TRIM36: variants seen among roughly 807,000 people sequenced by gnomAD.
TRIM36 encodes the protein tripartite motif containing 36.
Under a neutral mutation model 72.4 loss-of-function variants are expected in TRIM36, and 42 were observed. The observed-to-expected ratio is 0.58, with a 90% CI of 0.45 to 0.75. TRIM36 has a LOEUF of 0.75. TRIM36 is among the 30% of genes least tolerant of loss of function. TRIM36 has a pLI of 0.00. For synonymous variants in TRIM36, 315 were observed against 282.8 expected (o/e 1.11, Z -1.14); for missense variants, 913 against 857.1 (o/e 1.07, Z -0.81).
intron 4 of TRIM36, among the ~76,000 whole-genome samples, chr5:115,142,117 A>C (rs1192716406): frequency 6.6e-6 from 1 of 152,198 alleles, no homozygotes; most frequent in East Asian, 1.9e-4. Flanking sequence ...AGTCTAAATA[A>C]GAATAAGAAC....
At chr5:115,143,845 A>C (rs182522812) in intron 4 of TRIM36, among the ~76,000 whole-genome samples, 108 of 152,236 alleles carry the variant, frequency 7.1e-4, no homozygotes, top group African/African-American at 2.5e-3. Flanking sequence ...CATCAATAAA[A>C]CTAACACAAA....
chr5:115,176,622 A>T (rs562956888), intron 1 of TRIM36, among the ~76,000 whole-genome samples: 24 of 152,354 alleles, frequency 1.6e-4, no homozygotes, highest in African/African-American at 5.8e-4. Flanking sequence ...ATACAAAGAG[A>T]TATACTAAAA....
At chr5:115,177,752 A>G in intron 1 of TRIM36, 1 of 1,614,130 alleles carries the variant, frequency 6.2e-7, no homozygotes, top group Non-Finnish European at 8.5e-7. Flanking sequence ...GAATTGTCCT[A>G]AGTTCTTCTT....
chr5:115,163,740 T>G lies in TRIM36; in HGVS notation c.40A>C (p.Asn14His), dbSNP rs1254838256. The change falls in exon 2 of 10, where the codon AAT becomes CAT. Residue 14 changes from asparagine (N) to histidine (H), a missense_variant. Physicochemically the swap from Asn to His is moderately conservative, Grantham distance 68. Transcript: ENST00000513154. ...DGSDSPVTIK[N>H]IERELICPAC... ...GGGCAAATGAGCTCCCTTTCGATATTCTTAATGGTAACCTTGAGAGTAAAA... is the reference window on the plus strand; with the variant it reads ...GGGCAAATGAGCTCCCTTTCGATATGCTTAATGGTAACCTTGAGAGTAAAA... The G allele has an allele frequency of 6.2e-7, 1 of 1,614,160 alleles. No individual in the cohort carries two copies. The highest frequency in any genetic ancestry group is 1.1e-5 in the South Asian group (1 of 91,078).
Position 115,147,251 on chromosome 5 carries a change from C to G in TRIM36, c.406G>C (p.Ala136Pro). 1 of 1,614,194 alleles carries G rather than the reference C, an allele frequency of 6.2e-7. No homozygotes were observed. The highest frequency in any genetic ancestry group is 8.5e-7 in the Non-Finnish European group (1 of 1,180,038). The change falls in exon 3 of 10, where the codon GCA becomes CCA. Residue 136 changes from alanine (A) to proline (P), a missense_variant. Physicochemically the swap from Ala to Pro is conservative, Grantham distance 27 (BLOSUM62 -1). Transcript: ENST00000513154. ...ATAATGGCTGTGGCTGCCCTAGCTG[C>G]TTGACGATATCTTTCCACAATAGTT... ...LETIVERYRQAARAATAIMCD... is the reference protein window; with the variant it reads ...LETIVERYRQPARAATAIMCD...
chr5:115,148,805 A>G (rs1753731339), intron 2 of TRIM36: 1 of 152,184 alleles, frequency 6.6e-6, no homozygotes, highest in African/African-American at 2.4e-5. Flanking sequence ...CTTTCATACT[A>G]TCATGTATCC....
chr5:115,179,914 C>T (rs959295552), intron 1 of TRIM36: 27 of 1,459,176 alleles, frequency 1.9e-5, no homozygotes, highest in Non-Finnish European at 2.3e-5. Context: ...CCCACAGTGG[C>T]GGGCCAGGTA....
intron 9 of TRIM36, among the ~76,000 whole-genome samples, 182 bp downstream of exon 9, chr5:115,130,410 C>T (rs565998401): frequency 6.4e-4 from 98 of 152,274 alleles, no homozygotes; most frequent in African/African-American, 2.3e-3. Flanking sequence ...AAAGTAACTG[C>T]TAACTCTCCT....
At chr5:115,177,302 G>T in intron 1 of TRIM36, 1 of 167,628 alleles carries the variant, frequency 6.0e-6, no homozygotes, top group Non-Finnish European at 1.3e-5. Flanking sequence ...AGCTTGAGAA[G>T]TCCAGTACAA....
At position 115,149,820 on chromosome 5, in the gene TRIM36, G is replaced by A. The variant is rs546993073; in HGVS notation, c.263-2426C>T. 6.7e-4 allele frequency among the ~76,000 whole-genome samples: 102 copies of A among 151,952 alleles called. 1 individual carries two copies. Among genetic ancestry groups the A allele is most frequent in the Admixed American group, 4.5e-3 (68 of 15,270 alleles). On this transcript the variant is annotated intron_variant, in intron 2 of 9. Transcript: ENST00000513154. ...GTCGTCCAGGCTGGAGTGCAGTGGC[G>A]CGATCTCGGCTCACTGCAAGCTCCG...
At chr5:115,167,051 G>A (rs143293020) in intron 1 of TRIM36, among the ~76,000 whole-genome samples, 1 of 152,336 alleles carries the variant, frequency 6.6e-6, no homozygotes, top group African/African-American at 2.4e-5. Context: ...ACCAAGCACA[G>A]CCTGCTGGGT....
At chr5:115,150,292 T>C (rs544740245) in intron 2 of TRIM36, among the ~76,000 whole-genome samples, 2 of 152,312 alleles carry the variant, frequency 1.3e-5, no homozygotes, top group African/African-American at 4.8e-5. Context: ...TCTGATACAG[T>C]AGCCATTAGC....
At chr5:115,164,522 G>C (rs547898850) in intron 1 of TRIM36, among the ~76,000 whole-genome samples, 1 of 152,316 alleles carries the variant, frequency 6.6e-6, no homozygotes, top group South Asian at 2.1e-4. Context: ...TGGCAGGTGA[G>C]AGAGAGCAAG....
At chr5:115,168,985 C>T (rs1288687162) in intron 1 of TRIM36, 2 of 152,414 alleles carry the variant, frequency 1.3e-5, no homozygotes, top group South Asian at 4.1e-4. Context: ...AAATTTAGTT[C>T]ATCTGTCATT....
chr5:115,149,652 A>G (rs1753781416), intron 2 of TRIM36: 1 of 150,834 alleles, frequency 6.6e-6, no homozygotes, highest in Non-Finnish European at 1.5e-5. Context: ...TAAAAAAAAA[A>G]AAAAAAAGGT....
rs544257348 is a variant in TRIM36 at position 115,165,261 on chromosome 5, G to A, written c.28-1509C>T. Among the ~76,000 whole-genome samples the A allele has an allele frequency of 7.9e-5, 12 of 152,214 alleles. 1 individual carries two copies. In the East Asian group the frequency reaches 2.1e-3, roughly 27 times the overall value. On this transcript the variant is annotated intron_variant, in intron 1 of 9. Coordinates refer to ENST00000513154, the MANE Select transcript of TRIM36 (RefSeq NM_001300759.2). ...CCTCTTCTCAGAGCTCCCCTAGGGA[G>A]TGCCCCAGTGGGGACTCTGTGTGGC...
chr5:115,139,136 T>G (rs1207266591), intron 5 of TRIM36, among the ~76,000 whole-genome samples: 3 of 148,958 alleles, frequency 2.0e-5, no homozygotes, highest in Non-Finnish European at 4.5e-5. Flanking sequence ...TTTCTTTTTT[T>G]TTGAAACGGA....
intron 4 of TRIM36, among the ~76,000 whole-genome samples, chr5:115,142,189 T>G (rs1753314486): frequency 6.6e-6 from 1 of 152,104 alleles, no homozygotes; most frequent in Non-Finnish European, 1.5e-5. Flanking sequence ...TCAGGCTCAA[T>G]TACCACCGAT....
chr5:115,163,011 G>A lies in TRIM36; in HGVS notation c.262+507C>T, dbSNP rs189671991. Among the ~76,000 whole-genome samples, 487 of 150,632 alleles carry A rather than the reference G, an allele frequency of 3.2e-3. 2 individuals carry two copies. The highest frequency in any genetic ancestry group is 0.011 in the African/African-American group (450 of 40,896). On this transcript the variant is annotated intron_variant, in intron 2 of 9. Transcript: ENST00000513154. Reference sequence around the variant, plus strand: ...TCACTCTTGTTGCCCAGGCTGGAGTGCAATGGCGCGATCTCGGCTCACTGC... The same window carrying A: ...TCACTCTTGTTGCCCAGGCTGGAGTACAATGGCGCGATCTCGGCTCACTGC...
Sources: allele counts gnomAD v4.1 joint callset (sites outside exome capture counted in the v4.1 genomes callset), GRCh38; gene constraint gnomAD v4.1.1; transcripts MANE v1.5; gene names NCBI Gene and HGNC (gene_info 2026-07-23, HGNC 2026-07-21).